Variants in COL23A1 observed in about 807,000 individuals in gnomAD.
COL23A1 encodes collagen type XXIII alpha 1 chain.
In COL23A1, 97 loss-of-function variants were observed where a neutral mutation model predicts 99.3. The observed-to-expected ratio is 0.98, with a 90% confidence interval of 0.83 to 1.16. The LOEUF (loss-of-function observed/expected upper bound fraction) is 1.16, where lower values mean the gene tolerates loss of function less well. Ranked by LOEUF, COL23A1 falls within the 50% of genes most tolerant of loss-of-function variation. The pLI is 0.00. For synonymous variants in COL23A1, 320 were observed against 308.2 expected (o/e 1.04, Z -0.40); for missense variants, 762 against 757.4 (o/e 1.01, Z -0.07).
Position 178,307,943 on chromosome 5 carries a change from C to T in COL23A1, c.362-1024G>A, listed in dbSNP as rs566891441. ...CCGTCAAGAATTTCCAGAACAACCA[C>T]GAAGGAGATGCAGGAGACTGGCCCC... On this transcript the variant is annotated intron_variant, in intron 2 of 28. Coordinates refer to ENST00000390654, the MANE Select transcript of COL23A1 (RefSeq NM_173465.4). This position sits in a 1 kb window ranked among gnomAD's most constrained non-coding sequence, Gnocchi z 4.2. Among the ~76,000 whole-genome samples, 6 of 152,272 alleles carry T rather than the reference C, an allele frequency of 3.9e-5. No homozygotes were observed. The highest frequency in any genetic ancestry group is 3.3e-4 in the Admixed American group (5 of 15,304).
chr5:178,378,848 G>GCAAAGCTTGC (rs1287512991), intron 2 of COL23A1, among the ~76,000 whole-genome samples: 11 of 152,236 alleles, frequency 7.2e-5, no homozygotes, highest in African/African-American at 2.6e-4. Context: ...CCCAGGCTTG[G>GCAAAGCTTGC]CCAAGCTTGC....
At chr5:178,257,393 T>C (rs956254740) in intron 13 of COL23A1, 130 bp downstream of exon 13, 65 of 1,102,206 alleles carry the variant, frequency 5.9e-5, no homozygotes, top group Non-Finnish European at 7.8e-5. Flanking sequence ...CCTCTGCCTC[T>C]CTCCGGCCTG....
At chr5:178,407,898 T>C (rs1359390835) in intron 2 of COL23A1, among the ~76,000 whole-genome samples, 1 of 151,592 alleles carries the variant, frequency 6.6e-6, no homozygotes, top group Non-Finnish European at 1.5e-5. Context: ...AGAGGAGAAA[T>C]GGAGTGAGAC....
chr5:178,538,414 C>T (rs544315583), intron 2 of COL23A1, among the ~76,000 whole-genome samples: 1 of 152,302 alleles, frequency 6.6e-6, no homozygotes, highest in East Asian at 1.9e-4. Flanking sequence ...CATAAAAGTA[C>T]TTGCCCATTT....
At chr5:178,573,814 C>T (rs1763221009) in intron 1 of COL23A1, among the ~76,000 whole-genome samples, 1 of 151,508 alleles carries the variant, frequency 6.6e-6, no homozygotes, top group Admixed American at 6.6e-5. Flanking sequence ...CTATTTTAAG[C>T]AAAGGAACCA....
At position 178,310,653 on chromosome 5, in the gene COL23A1, G is replaced by A. The variant is rs957449051; in HGVS notation, c.362-3734C>T. ...GGCAGGCGGCCTTGGCGACCAGGGA[G>A]GCTGTTCCTCTGGGGATGTGGTCCC... is the stretch of plus-strand genomic sequence containing the variant. On this transcript the variant is annotated intron_variant, in intron 2 of 28. Transcript: ENST00000390654. The surrounding 1 kb of genome is among the most constrained non-coding windows in gnomAD (Gnocchi z 4.3). 2.0e-5 allele frequency among the ~76,000 whole-genome samples: 3 copies of A among 152,184 alleles called. No homozygotes were observed. The highest frequency in any genetic ancestry group is 4.4e-5 in the Non-Finnish European group (3 of 68,036).
At chr5:178,401,752 T>TA (rs1764459139) in intron 2 of COL23A1, among the ~76,000 whole-genome samples, 1 of 152,234 alleles carries the variant, frequency 6.6e-6, no homozygotes, top group African/African-American at 2.4e-5. Flanking sequence ...GACATCCCCC[T>TA]AGCAGTATAT....
intron 5 of COL23A1, among the ~76,000 whole-genome samples, chr5:178,278,540 C>T (rs1009584333): frequency 5.3e-5 from 8 of 152,204 alleles, no homozygotes; most frequent in Admixed American, 1.3e-4. Context: ...TGCTCTCCTG[C>T]GCCCAACCAG....
intron 2 of COL23A1, among the ~76,000 whole-genome samples, chr5:178,485,532 G>T (rs1251884706): frequency 4.0e-5 from 6 of 151,438 alleles, no homozygotes; most frequent in African/African-American, 1.5e-4. Context: ...CAGCACTTTG[G>T]GAGGCCAAGG....
chr5:178,403,494 G>C (rs1405360614), intron 2 of COL23A1, among the ~76,000 whole-genome samples: 1 of 152,272 alleles, frequency 6.6e-6, no homozygotes, highest in African/African-American at 2.4e-5. Flanking sequence ...TTCATCGATG[G>C]TGTCCACTCA....
intron 2 of COL23A1, among the ~76,000 whole-genome samples, chr5:178,374,426 C>T (rs1762961046): frequency 6.6e-6 from 1 of 152,218 alleles, no homozygotes; most frequent in African/African-American, 2.4e-5. Flanking sequence ...ACACCGTGGA[C>T]AGCAGCTCGT....
At chr5:178,239,031 C>T (rs968371997) in intron 28 of COL23A1, 110 bp downstream of exon 28, 12 of 1,253,144 alleles carry the variant, frequency 9.6e-6, no homozygotes, top group East Asian at 7.0e-5. Context: ...TGCGAGAAGC[C>T]GCAGACACCC....
intron 2 of COL23A1, among the ~76,000 whole-genome samples, chr5:178,496,625 C>T (rs974464045): frequency 2.6e-5 from 4 of 152,144 alleles, no homozygotes; most frequent in African/African-American, 9.7e-5. Flanking sequence ...GGTAGATATG[C>T]TATAAATGTT....
intron 2 of COL23A1, among the ~76,000 whole-genome samples, chr5:178,477,648 G>A (rs1757103073): frequency 6.6e-6 from 1 of 152,184 alleles, no homozygotes; most frequent in South Asian, 2.1e-4. Context: ...CCCGAAGTTC[G>A]TGTTAGAAAT....
chr5:178,463,678 T>TCC (rs1272935339), intron 2 of COL23A1, among the ~76,000 whole-genome samples: 1 of 152,138 alleles, frequency 6.6e-6, no homozygotes. Flanking sequence ...GACACAGGCT[T>TCC]CCCCAAGGAT....
chr5:178,308,240 G>A lies in COL23A1; in HGVS notation c.362-1321C>T, dbSNP rs1022211229. On this transcript the variant is annotated intron_variant, in intron 2 of 28. Transcript: ENST00000390654. This position sits in a 1 kb window ranked among gnomAD's most constrained non-coding sequence, Gnocchi z 5.1. ...GAAGAGATCCCTTCAGGTGGAGAGG[G>A]GCCCTCAGTGCTACACGACACGTCA... 6.6e-6 allele frequency among the ~76,000 whole-genome samples: 1 copy of A among 152,072 alleles called. No homozygotes were observed. The highest frequency in any genetic ancestry group is 2.4e-5 in the African/African-American group (1 of 41,388).
chr5:178,246,535 G>T, intron 22 of COL23A1, 82 bp from the exon 23 acceptor site: 2 of 1,383,382 alleles, frequency 1.4e-6, no homozygotes, highest in Non-Finnish European at 9.9e-7. Context: ...CTGCAAGGGA[G>T]CTGGGATGTG....
intron 2 of COL23A1, among the ~76,000 whole-genome samples, chr5:178,467,055 T>C (rs1219038488): frequency 6.6e-6 from 1 of 152,242 alleles, no homozygotes; most frequent in Admixed American, 6.5e-5. Flanking sequence ...TGGCAGCACA[T>C]ACAACTGCTG....
chr5:178,343,542 G>A (rs1021493287), intron 2 of COL23A1, among the ~76,000 whole-genome samples: 4 of 152,140 alleles, frequency 2.6e-5, no homozygotes, highest in Non-Finnish European at 5.9e-5. Context: ...GGAATGAAGA[G>A]GAAGGGGTGT....
Sources: gnomAD v4.1 joint callset for allele counts (sites outside exome capture counted in the v4.1 genomes callset) on GRCh38, gnomAD v4.1.1 for gene constraint, Gnocchi (gnomAD v3.1) non-coding constraint, MANE v1.5 for transcripts, NCBI Gene and HGNC (gene_info 2026-07-23, HGNC 2026-07-21) for gene names.